The following SUCLA2 variants were observed in gnomAD, a reference collection of about 807,000 sequenced individuals.
SUCLA2 encodes the protein succinate--CoA ligase [ADP-forming] subunit beta, mitochondrial.
In SUCLA2, 30 loss-of-function variants were observed where a neutral mutation model predicts 54.8. The observed-to-expected ratio is 0.55, with a 90% confidence interval of 0.41 to 0.74. The LOEUF (loss-of-function observed/expected upper bound fraction) is 0.74, where lower values mean the gene tolerates loss of function less well. Ranked by LOEUF, SUCLA2 falls within the 30% of genes least tolerant of loss-of-function variation. SUCLA2 has a pLI of 0.00. For synonymous variants in SUCLA2, 172 were observed against 188.9 expected, an observed-to-expected ratio of 0.91 and a Z score of 0.74; for missense variants, 476 against 562.9, an observed-to-expected ratio of 0.85 and a Z score of 1.56.
intron 6 of SUCLA2, among the ~76,000 whole-genome samples, chr13:47,954,939 C>A (rs964322509): frequency 6.6e-6 from 1 of 152,076 alleles, no homozygotes; most frequent in African/African-American, 2.4e-5. Context: ...ATTCTGTCTC[C>A]CCTACATTAT....
At chr13:47,970,376 C>T (rs1416456736) in intron 5 of SUCLA2, among the ~76,000 whole-genome samples, 1 of 152,112 alleles carries the variant, frequency 6.6e-6, no homozygotes, top group East Asian at 1.9e-4. Context: ...TTAGATTATT[C>T]CTCCATGTAT....
intron 5 of SUCLA2, among the ~76,000 whole-genome samples, chr13:47,972,689 GA>G (rs1949977496): frequency 7.1e-6 from 1 of 140,600 alleles, no homozygotes; most frequent in Admixed American, 7.1e-5. Flanking sequence ...AAAAAAGAAA[GA>G]AAGAAAAGAA....
intron 2 of SUCLA2, among the ~76,000 whole-genome samples, chr13:47,992,903 T>C (rs1167625449): frequency 6.6e-6 from 1 of 152,250 alleles, no homozygotes; most frequent in Non-Finnish European, 1.5e-5. Flanking sequence ...CCAAACTATC[T>C]TTCTATAGTC....
chr13:47,994,809 A>AT (rs1950178160), intron 2 of SUCLA2: 1 of 985,030 alleles, frequency 1.0e-6, no homozygotes, highest in Non-Finnish European at 1.2e-6. Context: ...CCTGCTTCTT[A>AT]TTACTTGTGA....
chr13:47,984,480 G>A (rs1393863182), intron 4 of SUCLA2, among the ~76,000 whole-genome samples: 1 of 152,104 alleles, frequency 6.6e-6, no homozygotes, highest in Non-Finnish European at 1.5e-5. Flanking sequence ...GGGATTACAG[G>A]TGTCAGCCAC....
chr13:47,951,572 C>T (rs1336315183), intron 8 of SUCLA2, among the ~76,000 whole-genome samples: 1 of 152,064 alleles, frequency 6.6e-6, no homozygotes, highest in Non-Finnish European at 1.5e-5. Flanking sequence ...GAAAACAAAA[C>T]TGGAAACACT....
In SUCLA2 at chr13:47,954,455, T is replaced by C; in HGVS notation, c.905A>G (p.Lys302Arg). Residue 302 changes from lysine (K) to arginine (R), a missense_variant, in exon 7 of 11, where the codon AAA becomes AGA. Around this residue, in one of 2 missense-constraint regions of SUCLA2, gnomAD observed 342 missense variants for 444.2 expected, o/e 0.77. Coordinates refer to ENST00000646932, the MANE Select transcript of SUCLA2 (RefSeq NM_003850.3). ...QDWTQEDERD[K>R]DAAKANLNYI... is the part of the protein sequence containing the mutation. ...GTTGAGATTTGCCTTAGCAGCATCT[T>C]TGTCCCTTTCATCTTCCTGGGTCCA... 1.2e-6 allele frequency: 2 copies of C among 1,614,034 alleles called. No homozygotes were observed. The highest frequency in any genetic ancestry group is 8.5e-7 in the Non-Finnish European group (1 of 1,179,928).
intron 4 of SUCLA2, among the ~76,000 whole-genome samples, chr13:47,975,629 A>G (rs1358185313): frequency 6.6e-6 from 1 of 152,218 alleles, no homozygotes; most frequent in African/African-American, 2.4e-5. Context: ...TAAGAGTGTT[A>G]AACTTTTATT....
At chr13:47,994,978 T>C (rs1306440818) in intron 2 of SUCLA2, 1 of 457,602 alleles carries the variant, frequency 2.2e-6, no homozygotes, top group Non-Finnish European at 2.9e-6. Flanking sequence ...TGAAAAAGTT[T>C]CTATGCAAAT....
chr13:47,955,183 G>C (rs914306005), intron 6 of SUCLA2, among the ~76,000 whole-genome samples: 11 of 152,104 alleles, frequency 7.2e-5, no homozygotes, highest in Admixed American at 6.6e-4. Context: ...ACTATGGCCA[G>C]ATTCGGCCTG....
chr13:47,964,135 T>A (rs1949896118), intron 6 of SUCLA2, among the ~76,000 whole-genome samples: 1 of 151,864 alleles, frequency 6.6e-6, no homozygotes, highest in Admixed American at 6.6e-5. Context: ...TACTCAGCAA[T>A]GAAAAAGAAA....
intron 10 of SUCLA2, 62 bp downstream of exon 10, chr13:47,948,878 A>T: frequency 6.9e-7 from 1 of 1,450,250 alleles, no homozygotes; most frequent in Non-Finnish European, 9.7e-7. Context: ...CTGTATTAAT[A>T]ATTAGGTTCA....
rs1282208356 is a variant in SUCLA2 at position 47,954,204 on chromosome 13, A to C, written c.1043T>G (p.Val348Gly). Residue 348 changes from valine to glycine, a missense_variant, in exon 8 of 11, where the codon GTT (valine) becomes GGT (glycine). Val to Gly is a moderately radical substitution (Grantham distance 109, BLOSUM62 -3). Around this residue, in one of 2 missense-constraint regions of SUCLA2, gnomAD observed 342 missense variants for 444.2 expected, o/e 0.77. Coordinates refer to ENST00000646932, the MANE Select transcript of SUCLA2 (RefSeq NM_003850.3). Reference sequence around the variant, plus strand: ...TTGATGGACTGTAGCACCACCACCAACATCAAGGAAGTTGGCTGGAGTCCC... The same window carrying C: ...TTGATGGACTGTAGCACCACCACCACCATCAAGGAAGTTGGCTGGAGTCCC... ...HGGTPANFLD[V>G]GGGATVHQVT... is the part of the protein sequence containing the mutation. 19 of 1,613,936 alleles carry C rather than the reference A, an allele frequency of 1.2e-5. No homozygotes were observed. The highest frequency in any genetic ancestry group is 5.3e-5 in the African/African-American group (4 of 75,040).
At chr13:47,956,132 A>T (rs1274691865) in intron 6 of SUCLA2, among the ~76,000 whole-genome samples, 4 of 152,236 alleles carry the variant, frequency 2.6e-5, no homozygotes, top group African/African-American at 9.6e-5. Flanking sequence ...TAGAATAATC[A>T]GAAGACTATT....
At chr13:47,997,067 A>C in intron 1 of SUCLA2, 44 bp from the exon 2 acceptor site, 1 of 1,608,496 alleles carries the variant, frequency 6.2e-7, no homozygotes. Context: ...GTGATTTGGC[A>C]GTCACTCTTG....
chr13:47,978,405 A>G (rs574965059), intron 4 of SUCLA2, among the ~76,000 whole-genome samples: 3 of 152,228 alleles, frequency 2.0e-5, no homozygotes, highest in South Asian at 4.1e-4. Context: ...GACAAAAACA[A>G]GCAATAAGAA....
intron 4 of SUCLA2, among the ~76,000 whole-genome samples, chr13:47,977,004 A>G (rs894945818): frequency 8.6e-5 from 13 of 151,960 alleles, no homozygotes; most frequent in African/African-American, 2.9e-4. Flanking sequence ...AGGAACAGAA[A>G]AAAAAAAAAT....
chr13:47,962,356 G>A (rs1054581465), intron 6 of SUCLA2, among the ~76,000 whole-genome samples: 1 of 152,146 alleles, frequency 6.6e-6, no homozygotes, highest in African/African-American at 2.4e-5. Flanking sequence ...GTTTTCTTTT[G>A]TAATGGGACA....
intron 4 of SUCLA2, among the ~76,000 whole-genome samples, chr13:47,982,282 T>C (rs1033493286): frequency 2.0e-5 from 3 of 152,148 alleles, no homozygotes; most frequent in Non-Finnish European, 4.4e-5. Flanking sequence ...TAAGGAAACT[T>C]TGTCATATGC....
Sources: allele counts gnomAD v4.1 joint callset (sites outside exome capture counted in the v4.1 genomes callset), GRCh38; gene constraint gnomAD v4.1.1; regional missense constraint gnomAD v4.1.1; transcripts MANE v1.5; gene names NCBI Gene and HGNC (gene_info 2026-07-23, HGNC 2026-07-21).